STK3: variants seen among roughly 807,000 people sequenced by gnomAD.
STK3 encodes the protein serine/threonine kinase 3.
A neutral mutation model predicts 58.0 loss-of-function variants in STK3; 41 were observed. The ratio of observed to expected loss-of-function variants is 0.71; its 90% CI spans 0.55 to 0.92. STK3 has a LOEUF of 0.92. STK3 is among the 40% of genes least tolerant of loss of function. The probability of loss-of-function intolerance (pLI) is 0.00; values close to 1 mark genes in which losing one functional copy is unlikely to be tolerated. For missense variants in STK3, 479 were observed against 602.7 expected (o/e 0.79, Z 2.15); for synonymous variants, 170 against 191.0 (o/e 0.89, Z 0.91).
intron 2 of STK3, among the ~76,000 whole-genome samples, chr8:98,436,102 C>A (rs1818476589): frequency 6.6e-6 from 1 of 152,160 alleles, no homozygotes; most frequent in Non-Finnish European, 1.5e-5. Context: ...CCCCCGAATT[C>A]TTTGGCCACA....
chr8:98,784,698 G>A (rs1832343897), intron 1 of STK3, among the ~76,000 whole-genome samples: 1 of 152,036 alleles, frequency 6.6e-6, no homozygotes, highest in African/African-American at 2.4e-5. Flanking sequence ...CCCTTCCTGT[G>A]TGTGCATAGA....
upstream of STK3, among the ~76,000 whole-genome samples, chr8:98,826,561 C>A (rs1286987592): frequency 6.6e-6 from 1 of 152,216 alleles, no homozygotes; most frequent in Non-Finnish European, 1.5e-5. Flanking sequence ...AGTTTGTTTC[C>A]TCCCCTCTTT....
intron 1 of STK3, among the ~76,000 whole-genome samples, chr8:98,795,828 A>G (rs1214274568): frequency 6.6e-6 from 1 of 151,662 alleles, no homozygotes; most frequent in Non-Finnish European, 1.5e-5. Context: ...ATACAATACA[A>G]TACAATACAA....
intron 1 of STK3, among the ~76,000 whole-genome samples, chr8:98,788,924 TACAGA>T (rs1182762972): frequency 9.9e-5 from 15 of 152,280 alleles, no homozygotes; most frequent in African/African-American, 3.6e-4. Flanking sequence ...TAACAGATTA[TACAGA>T]ACATTCTACT....
At chr8:98,777,325 G>A (rs1587592513) in intron 1 of STK3, among the ~76,000 whole-genome samples, 2 of 152,020 alleles carry the variant, frequency 1.3e-5, no homozygotes, top group Non-Finnish European at 1.5e-5. Flanking sequence ...TCAGGAGTTC[G>A]AGACCAGCCC....
chr8:98,828,216 TCCACCCACCTCAG>T (rs1343841056), upstream of STK3, among the ~76,000 whole-genome samples: 1 of 151,724 alleles, frequency 6.6e-6, no homozygotes, highest in Non-Finnish European at 1.5e-5. Context: ...CCTCGGGCAA[TCCACCCACCTCAG>T]CCACCCAAAG....
At chr8:98,471,108 G>T (rs980382044) in intron 10 of STK3, among the ~76,000 whole-genome samples, 1 of 152,124 alleles carries the variant, frequency 6.6e-6, no homozygotes, top group Non-Finnish European at 1.5e-5. Context: ...CTTACAGCTC[G>T]ATCACTGGCT....
intron 1 of STK3, among the ~76,000 whole-genome samples, chr8:98,933,705 T>C (rs1385848823): frequency 6.6e-6 from 1 of 152,180 alleles, no homozygotes; most frequent in Non-Finnish European, 1.5e-5. Flanking sequence ...ACACCCTGCA[T>C]GTAACCTCCA....
At chr8:98,909,646 A>G (rs895451298) in intron 1 of STK3, among the ~76,000 whole-genome samples, 1 of 152,150 alleles carries the variant, frequency 6.6e-6, no homozygotes, top group African/African-American at 2.4e-5. Flanking sequence ...ACTTGGCATG[A>G]TATGTTCAAG....
rs546437211 is a variant in STK3 at position 98,387,102 on chromosome 8, G to A, written n.56+1090C>T. On this transcript the variant is annotated intron_variant and non_coding_transcript_variant, in intron 1 of 2. Coordinates refer to the STK3 transcript ENST00000518704. ...CAATTTGGTGACTTACTTACATAGG[G>A]AATAGTTATTTCAAGTGACTTTAAA... Among the ~76,000 whole-genome samples, 7 of 152,084 alleles carry A rather than the reference G, an allele frequency of 4.6e-5. No homozygotes were observed. The East Asian group carries it at 1.4e-3, about 29-fold the overall frequency.
rs893338423 is a variant in STK3 at position 98,455,226 on chromosome 8, T to C, written c.*616A>G. 1 of 152,468 alleles carries C rather than the reference T, an allele frequency of 6.6e-6. No individual in the cohort carries two copies. The highest frequency in any genetic ancestry group is 2.4e-5 in the African/African-American group (1 of 41,392). The allele number at this position is 152,468 out of a possible 1,614,324, so 9.4% of individuals were successfully genotyped here. ...GGTAAAAATGGAATTATTGCTTCAA[T>C]ATAAAAAAGGCCTAGCCCATTTGAG... On this transcript the variant is annotated 3_prime_UTR_variant, in exon 11 of 11. Transcript: ENST00000419617.
At chr8:98,871,231 G>C (rs575921140) in intron 3 of STK3, among the ~76,000 whole-genome samples, 1 of 152,300 alleles carries the variant, frequency 6.6e-6, no homozygotes, top group Non-Finnish European at 1.5e-5. Flanking sequence ...GTACCATGCT[G>C]TTTTGATTAC....
chr8:98,355,809 C>T, the STK3 span, among the ~76,000 whole-genome samples: 1 of 152,206 alleles, frequency 6.6e-6, no homozygotes, highest in African/African-American at 2.4e-5. Context: ...CAGCTCTCTG[C>T]TTTCTGGATG....
At chr8:98,360,215 T>C in the STK3 span, among the ~76,000 whole-genome samples, 1 of 152,222 alleles carries the variant, frequency 6.6e-6, no homozygotes. Context: ...AATTATTACA[T>C]TAGAAAAGCC....
chr8:98,409,550 G>A (rs1310661535), intron 3 of STK3, among the ~76,000 whole-genome samples: 1 of 152,192 alleles, frequency 6.6e-6, no homozygotes, highest in East Asian at 1.9e-4. Flanking sequence ...TCCACAGATG[G>A]GCTATCAGTT....
chr8:98,934,975 C>A (rs1458410431), intron 1 of STK3, among the ~76,000 whole-genome samples: 2 of 146,016 alleles, frequency 1.4e-5, no homozygotes, highest in African/African-American at 4.9e-5. Context: ...GAGCAAAGCA[C>A]AAGCCTAGAC....
intron 3 of STK3, among the ~76,000 whole-genome samples, chr8:98,877,632 T>C (rs1010716804): frequency 2.0e-5 from 3 of 152,106 alleles, no homozygotes; most frequent in Non-Finnish European, 4.4e-5. Context: ...TATAGGCATA[T>C]GCCACTACAC....
At chr8:98,622,945 T>C (rs566713101) in intron 6 of STK3, among the ~76,000 whole-genome samples, 1 of 152,126 alleles carries the variant, frequency 6.6e-6, no homozygotes, top group African/African-American at 2.4e-5. Context: ...ACAACGGTAG[T>C]AGTAATAATG....
chr8:98,870,242 C>T (rs1380756655), intron 3 of STK3, among the ~76,000 whole-genome samples: 1 of 152,200 alleles, frequency 6.6e-6, no homozygotes, highest in Non-Finnish European at 1.5e-5. Flanking sequence ...CAGTCTATCA[C>T]TGATGGACAT....
Sources: allele counts gnomAD v4.1 joint callset (sites outside exome capture counted in the v4.1 genomes callset), GRCh38; gene constraint gnomAD v4.1.1; transcripts MANE v1.5; gene names NCBI Gene and HGNC (gene_info 2026-07-23, HGNC 2026-07-21).